LTBP1: variants seen among roughly 807,000 people sequenced by gnomAD.
LTBP1 encodes latent-transforming growth factor beta-binding protein 1.
LTBP1 carries 129 observed loss-of-function variants against 207.6 expected under a neutral mutation model. The observed-to-expected ratio is 0.62, with a 90% CI of 0.54 to 0.72. The LOEUF is 0.72. Ranked by LOEUF, LTBP1 falls within the 30% of genes least tolerant of loss-of-function variation. The pLI is 0.00. For synonymous variants in LTBP1, 963 were observed against 833.7 expected, an observed-to-expected ratio of 1.16 and a Z score of -2.67; for missense variants, 2,281 against 2,217.2, an observed-to-expected ratio of 1.03 and a Z score of -0.58.
Position 33,004,786 on chromosome 2 carries a change from A to AATAT in LTBP1, c.566-16097_566-16094dup, listed in dbSNP as rs34777461. Among the ~76,000 whole-genome samples, 979 of 101,082 alleles carry AATAT rather than the reference A, an allele frequency of 9.7e-3. 20 individuals carry two copies. The highest frequency in any genetic ancestry group is 0.011 in the Non-Finnish European group (577 of 52,886). 66.3% of individuals were successfully genotyped at this position (101,082 alleles called of 152,430 possible). On this transcript the variant is annotated intron_variant, in intron 2 of 33. Transcript: ENST00000404816. ...TGAGCCTCAGTCTCAAAAAAAAAGG[A>AATAT]ATATATATATATATATATATATATA...
chr2:33,105,178 G>A (rs1056912260), intron 3 of LTBP1, among the ~76,000 whole-genome samples: 2 of 152,166 alleles, frequency 1.3e-5, no homozygotes, highest in African/African-American at 4.8e-5. Context: ...GGGAAATACT[G>A]AGGGTTCACA....
At chr2:33,279,318 C>A (rs897786246) in intron 18 of LTBP1, among the ~76,000 whole-genome samples, 1 of 151,888 alleles carries the variant, frequency 6.6e-6, no homozygotes, top group African/African-American at 2.4e-5. Flanking sequence ...TCGTAGTTAT[C>A]TCCTCACAGA....
At chr2:33,078,048 A>G (rs1466623901) in intron 3 of LTBP1, among the ~76,000 whole-genome samples, 1 of 152,188 alleles carries the variant, frequency 6.6e-6, no homozygotes, top group Admixed American at 6.5e-5. Flanking sequence ...TGCAGTTGCA[A>G]TTGCTTGCAG....
intron 5 of LTBP1, among the ~76,000 whole-genome samples, chr2:33,166,553 T>C (rs2084935647): frequency 6.6e-6 from 1 of 152,238 alleles, no homozygotes; most frequent in South Asian, 2.1e-4. Context: ...TACACAAGGA[T>C]GTTTCAAATG....
intron 3 of LTBP1, among the ~76,000 whole-genome samples, chr2:33,100,413 A>G (rs1372673561): frequency 6.6e-6 from 1 of 151,988 alleles, no homozygotes; most frequent in African/African-American, 2.4e-5. Context: ...AGAAATATGA[A>G]GGATGGGGGC....
rs116666031 is a variant in LTBP1, at chr2:33,109,201, A to C, written c.864-1381A>C. The stretch of plus-strand genomic sequence containing the variant: ...AGAATGAATCTGATAGAGTGAGACT[A>C]TTCAAGTTTCTTTTACTGCTTTTGA... On this transcript the variant is annotated intron_variant, in intron 3 of 33. Transcript: ENST00000404816. 3.5e-3 allele frequency among the ~76,000 whole-genome samples: 539 copies of C among 152,342 alleles called. 3 individuals are homozygous for C. Among genetic ancestry groups the C allele is most frequent in the African/African-American group, 0.013 (520 of 41,574 alleles).
intron 5 of LTBP1, among the ~76,000 whole-genome samples, chr2:33,156,367 A>G (rs375597261): frequency 2.0e-5 from 3 of 152,180 alleles, no homozygotes; most frequent in Non-Finnish European, 4.4e-5. Flanking sequence ...TGCTTGTGAG[A>G]TCCATCTTAC....
At chr2:33,284,099 A>T (rs1458366978) in intron 19 of LTBP1, among the ~76,000 whole-genome samples, 2 of 152,090 alleles carry the variant, frequency 1.3e-5, no homozygotes, top group Non-Finnish European at 2.9e-5. Context: ...TGCTTCTTTC[A>T]CAGACTAAAT....
At chr2:33,351,351 A>G (rs1002364599) in intron 26 of LTBP1, among the ~76,000 whole-genome samples, 13 of 152,212 alleles carry the variant, frequency 8.5e-5, no homozygotes, top group Non-Finnish European at 1.8e-4. Flanking sequence ...CCAACTCAGG[A>G]TCTTCTCACT....
chr2:33,266,986 C>T (rs1035765797), intron 15 of LTBP1, among the ~76,000 whole-genome samples: 2 of 152,242 alleles, frequency 1.3e-5, no homozygotes, highest in South Asian at 2.1e-4. Flanking sequence ...TAGGGGCTCC[C>T]CAAGCCAGGG....
At chr2:32,948,428 G>T (rs1676604638) in intron 1 of LTBP1, among the ~76,000 whole-genome samples, 1 of 152,172 alleles carries the variant, frequency 6.6e-6, no homozygotes. Flanking sequence ...ATCTCAGGTT[G>T]GGGTGTAGGG....
chr2:33,237,667 G>T (rs2092113857), intron 9 of LTBP1, among the ~76,000 whole-genome samples: 1 of 152,192 alleles, frequency 6.6e-6, no homozygotes, highest in Non-Finnish European at 1.5e-5. Context: ...TCTTATGAAA[G>T]AAATCGGACT....
intron 2 of LTBP1, among the ~76,000 whole-genome samples, chr2:33,000,969 T>G (rs967883108): frequency 4.5e-5 from 6 of 134,704 alleles, no homozygotes; most frequent in African/African-American, 1.6e-4. Context: ...AAGTCATAGC[T>G]GTTCATTGAT....
At chr2:33,300,948 G>T in intron 21 of LTBP1, among the ~76,000 whole-genome samples, 1 of 152,148 alleles carries the variant, frequency 6.6e-6, no homozygotes, top group South Asian at 2.1e-4. Flanking sequence ...GCTGTGGAAT[G>T]TTAATAACCT....
chr2:33,339,686 C>T (rs1427953600), intron 24 of LTBP1, among the ~76,000 whole-genome samples: 1 of 151,592 alleles, frequency 6.6e-6, no homozygotes, highest in Non-Finnish European at 1.5e-5. Context: ...GCTCTTGTTG[C>T]CCAGTCTGGA....
intron 15 of LTBP1, among the ~76,000 whole-genome samples, chr2:33,272,334 C>G (rs966273001): frequency 1.3e-5 from 2 of 152,214 alleles, no homozygotes; most frequent in Non-Finnish European, 2.9e-5. Context: ...ACCTCTCTAA[C>G]AAAGCTGTGC....
At chr2:33,187,724 G>A (rs2087361035) in intron 6 of LTBP1, among the ~76,000 whole-genome samples, 2 of 152,210 alleles carry the variant, frequency 1.3e-5, no homozygotes, top group Admixed American at 6.5e-5. Context: ...ACGGAAAGTA[G>A]CTTGTTATAG....
chr2:33,110,777 TC>T, intron 4 of LTBP1, 26 bp downstream of exon 4: 1 of 1,605,150 alleles, frequency 6.2e-7, no homozygotes, highest in East Asian at 2.2e-5. Context: ...TCAACCATTT[TC>T]CCAAGTTATG....
At position 33,134,429 on chromosome 2, in the gene LTBP1, T is replaced by C; in HGVS notation, c.1034-364T>C. On this transcript the variant is annotated intron_variant, in intron 4 of 33. Coordinates refer to ENST00000404816, the MANE Select transcript of LTBP1 (RefSeq NM_206943.4). This position sits in a 1 kb window ranked among gnomAD's most constrained non-coding sequence, Gnocchi z 4.4. The stretch of plus-strand genomic sequence containing the variant: ...CCAACCCCTTTGCATTACATCTGCC[T>C]GTCAGGGTTGGCTCTTTAATCTGTC... 3.2e-6 allele frequency: 2 copies of C among 630,574 alleles called. No individual in the cohort carries two copies. The highest frequency in any genetic ancestry group is 2.8e-6 in the Non-Finnish European group (1 of 361,326). 39.1% of individuals were successfully genotyped at this position (630,574 alleles called of 1,614,324 possible). A position where few individuals can be genotyped will look rare whatever the true frequency, so the allele number is the denominator to read the frequency against.
Sources: allele counts gnomAD v4.1 joint callset (sites outside exome capture counted in the v4.1 genomes callset), GRCh38; gene constraint gnomAD v4.1.1; non-coding constraint Gnocchi (gnomAD v3.1); transcripts MANE v1.5; gene names NCBI Gene and HGNC (gene_info 2026-07-23, HGNC 2026-07-21).